Variants in CDKL5 observed in about 807,000 individuals in gnomAD.
CDKL5 encodes cyclin-dependent kinase-like 5.
In CDKL5, 8 loss-of-function variants were observed where a neutral mutation model predicts 61.7. That is an observed-to-expected ratio of 0.13 (90% CI 0.08 to 0.23). The LOEUF (loss-of-function observed/expected upper bound fraction) is 0.23, where lower values mean the gene tolerates loss of function less well. Among genes scored for constraint, CDKL5 ranks in the 10% least tolerant of loss-of-function variants. The pLI is 1.00. For synonymous variants in CDKL5, 275 were observed against 272.3 expected (o/e 1.01, Z -0.10); for missense variants, 440 against 734.5 (o/e 0.60, Z 4.63).
intron 1 of CDKL5, among the ~76,000 whole-genome samples, chrX:18,438,491 A>C (rs770019665): frequency 9.1e-6 from 1 of 110,206 alleles, no homozygotes; most frequent in Non-Finnish European, 1.9e-5. Context: ...CAGAGGGTGC[A>C]TTAAAAGACA....
At chrX:18,557,300 A>G (rs1351107019) in intron 3 of CDKL5, among the ~76,000 whole-genome samples, 1 of 112,227 alleles carries the variant, frequency 8.9e-6, no homozygotes. Context: ...ATTTATTTGC[A>G]TGGCATTTAC....
chrX:18,517,173 A>G (rs1301597773), intron 3 of CDKL5, among the ~76,000 whole-genome samples: 1 of 111,671 alleles, frequency 9.0e-6, no homozygotes, highest in African/African-American at 3.3e-5. Context: ...GTCATGTTAC[A>G]ATTAGTATTA....
rs1390490192 is a variant in CDKL5, at chrX:18,635,633, C to T, written c.*6876C>T. 4.0e-6 allele frequency: 3 copies of T among 750,190 alleles called. No individual in the cohort carries two copies. Among genetic ancestry groups the T allele is most frequent in the South Asian group, 6.8e-5 (1 of 14,647 alleles). 61.8% of individuals were successfully genotyped at this position (750,190 alleles called of 1,213,427 possible). A position where few individuals can be genotyped will look rare whatever the true frequency, so the allele number is the denominator to read the frequency against. ...TATTTATAAAGCTTTTTTCCCCTTACGGCATTTTGAAAACTTTGGTTTGTT... is the reference window on the plus strand; with the variant it reads ...TATTTATAAAGCTTTTTTCCCCTTATGGCATTTTGAAAACTTTGGTTTGTT... On this transcript the variant is annotated 3_prime_UTR_variant, in exon 18 of 18. Coordinates refer to ENST00000623535, the MANE Select transcript of CDKL5 (RefSeq NM_001323289.2).
At chrX:18,428,423 C>T (rs1035854511) in intron 1 of CDKL5, among the ~76,000 whole-genome samples, 4 of 112,188 alleles carry the variant, frequency 3.6e-5, no homozygotes, top group Non-Finnish European at 7.5e-5. Context: ...ACATTCTCTC[C>T]CCTTCCGTTT....
At chrX:18,443,305 C>T (rs748507611) in intron 1 of CDKL5, among the ~76,000 whole-genome samples, 20 of 111,897 alleles carry the variant, frequency 1.8e-4, no homozygotes, top group Non-Finnish European at 3.2e-4. Flanking sequence ...TTCCTTTCCC[C>T]GAGTACTTTG....
chrX:18,590,261 G>T (rs1203120887), intron 9 of CDKL5, among the ~76,000 whole-genome samples: 2 of 111,465 alleles, frequency 1.8e-5, no homozygotes, highest in East Asian at 5.6e-4. Flanking sequence ...TAGGGTTTAT[G>T]GTTTTAGGTC....
At position 18,604,640 on chromosome X, in the gene CDKL5, G is replaced by T; in HGVS notation, c.1716G>T (p.Lys572Asn). The T allele has an allele frequency of 8.3e-7, 1 of 1,212,079 alleles. No homozygotes were observed. The highest frequency in any genetic ancestry group is 1.1e-6 in the Non-Finnish European group (1 of 895,510). Residue 572 changes from lysine to asparagine, a missense_variant, in exon 12 of 18, where the codon AAG becomes AAT. Lys to Asn is a moderately conservative substitution (Grantham distance 94, BLOSUM62 0). Around this residue, in one of 2 missense-constraint regions of CDKL5, gnomAD observed 363 missense variants for 516.3 expected, o/e 0.70. Transcript: ENST00000623535. ...TRHSKTMEEL[K>N]LPEHMDSSHS... ...ATTCTAAGACGATGGAGGAATTGAA[G>T]CTGCCGGAGCACATGGACAGTAGCC...
chrX:18,531,917 A>G (rs1345280796), intron 3 of CDKL5, among the ~76,000 whole-genome samples: 2 of 106,468 alleles, frequency 1.9e-5, no homozygotes, highest in Non-Finnish European at 3.9e-5. Flanking sequence ...CTTGTTAGCC[A>G]GGATGGTCTC....
In CDKL5 at chrX:18,479,469, G is replaced by A. The variant is rs756625277; in HGVS notation, c.-162-27466G>A. Among the ~76,000 whole-genome samples, 435 of 108,187 alleles carry A rather than the reference G, an allele frequency of 4.0e-3. 2 individuals carry two copies. The highest frequency in any genetic ancestry group is 0.014 in the African/African-American group (422 of 29,699). 93.9% of individuals were successfully genotyped at this position (108,187 alleles called of 115,157 possible). The stretch of plus-strand genomic sequence containing the variant: ...CTAGTAGTTGGGACTACAGGCACCC[G>A]CCACCATGCCTGGCTAATTTTTTGT... On this transcript the variant is annotated intron_variant, in intron 1 of 17. Transcript: ENST00000623535.
intron 3 of CDKL5, among the ~76,000 whole-genome samples, chrX:18,556,831 C>CGA (rs1924618253): frequency 1.1e-5 from 1 of 89,616 alleles, no homozygotes; most frequent in African/African-American, 4.5e-5. Flanking sequence ...TGAAGTGAGC[C>CGA]GAGACCACGC....
At chrX:18,547,545 T>G (rs1031441053) in intron 3 of CDKL5, among the ~76,000 whole-genome samples, 1 of 112,339 alleles carries the variant, frequency 8.9e-6, no homozygotes, top group African/African-American at 3.2e-5. Flanking sequence ...AGGTTTACAG[T>G]GTTCTTTGGC....
At chrX:18,605,606 A>G (rs1281612336) in intron 12 of CDKL5, among the ~76,000 whole-genome samples, 1 of 112,168 alleles carries the variant, frequency 8.9e-6, no homozygotes, top group Non-Finnish European at 1.9e-5. Context: ...AAACAGAAAC[A>G]AAAACAAAAA....
intron 1 of CDKL5, among the ~76,000 whole-genome samples, chrX:18,439,472 T>C (rs1473794668): frequency 9.1e-6 from 1 of 110,329 alleles, no homozygotes; most frequent in Admixed American, 9.8e-5. Flanking sequence ...ATAGTTTTGG[T>C]TTTAGACCAC....
At chrX:18,559,144 T>A (rs1924703989) in intron 3 of CDKL5, among the ~76,000 whole-genome samples, 2 of 112,514 alleles carry the variant, frequency 1.8e-5, no homozygotes, top group African/African-American at 6.5e-5. Flanking sequence ...GAAGTTCAAG[T>A]TGAGGCCAAA....
At chrX:18,452,893 C>G (rs1932056065) in intron 1 of CDKL5, among the ~76,000 whole-genome samples, 1 of 91,918 alleles carries the variant, frequency 1.1e-5, no homozygotes, top group Non-Finnish European at 2.1e-5. Context: ...GGCAGTGGCA[C>G]AATCTTGGCT....
chrX:18,509,197 G>GCACGCACACACACACACA (rs1204561636), intron 2 of CDKL5, among the ~76,000 whole-genome samples: 7 of 64,308 alleles, frequency 1.1e-4, no homozygotes, highest in Non-Finnish European at 2.0e-4. Flanking sequence ...CTCAAAACAC[G>GCACGCACACACACACACA]CACACACACA....
At chrX:18,549,994 G>C (rs975564791) in intron 3 of CDKL5, among the ~76,000 whole-genome samples, 1 of 111,815 alleles carries the variant, frequency 8.9e-6, no homozygotes, top group African/African-American at 3.3e-5. Context: ...TCACACTCCA[G>C]GTAGCTGGGT....
intron 1 of CDKL5, among the ~76,000 whole-genome samples, chrX:18,463,064 G>T (rs1182630489): frequency 1.8e-5 from 2 of 110,190 alleles, no homozygotes; most frequent in African/African-American, 6.6e-5. Context: ...GATACCGGAA[G>T]CTGGGAGTAG....
chrX:18,451,928 A>G (rs1007947305), intron 1 of CDKL5, among the ~76,000 whole-genome samples: 2 of 112,101 alleles, frequency 1.8e-5, no homozygotes, highest in African/African-American at 6.5e-5. Flanking sequence ...GATAACCCAC[A>G]CTGTTTTATA....
Sources: gnomAD v4.1 joint callset for allele counts (sites outside exome capture counted in the v4.1 genomes callset) on GRCh38, gnomAD v4.1.1 for gene constraint, gnomAD v4.1.1 regional missense constraint, MANE v1.5 for transcripts, NCBI Gene and HGNC (gene_info 2026-07-23, HGNC 2026-07-21) for gene names.